Variants in NTN1 observed in about 807,000 individuals in gnomAD.
The protein encoded by NTN1 is netrin 1.
NTN1 carries 11 observed loss-of-function variants against 54.2 expected under a neutral mutation model. The ratio of observed to expected loss-of-function variants is 0.20; its 90% CI spans 0.13 to 0.34. NTN1 has a LOEUF of 0.34. NTN1 is among the 10% of genes least tolerant of loss of function. The probability of loss-of-function intolerance (pLI) is 1.00; values close to 1 mark genes in which losing one functional copy is unlikely to be tolerated. For synonymous variants in NTN1, 371 were observed against 382.0 expected (o/e 0.97, Z 0.33); for missense variants, 740 against 893.1 (o/e 0.83, Z 2.18).
At chr17:9,017,775 C>T (rs112896387), upstream of NTN1, among the ~76,000 whole-genome samples, 1,060 of 152,304 alleles carry the variant, frequency 7.0e-3, 11 homozygotes, top group African/African-American at 0.023. Context: ...TATTTATCAC[C>T]GCCACTTTAA....
chr17:9,077,653 G>T (rs1437050322), intron 2 of NTN1, among the ~76,000 whole-genome samples: 3 of 152,210 alleles, frequency 2.0e-5, no homozygotes, highest in Non-Finnish European at 2.9e-5. Context: ...AGTGGGAAAA[G>T]TTGATAAAGA....
chr17:9,083,134 T>G (rs2142225949), intron 2 of NTN1, among the ~76,000 whole-genome samples: 1 of 152,256 alleles, frequency 6.6e-6, no homozygotes, highest in South Asian at 2.1e-4. Flanking sequence ...AGTCTTGCTC[T>G]GTTGCCCAGG....
intron 2 of NTN1, among the ~76,000 whole-genome samples, chr17:9,129,640 G>A (rs983854917): frequency 6.6e-6 from 1 of 152,180 alleles, no homozygotes; most frequent in Non-Finnish European, 1.5e-5. Context: ...CTGAATCTCC[G>A]TTTGCTTCTC....
At position 9,045,406 on chromosome 17, in the gene NTN1, AC is replaced by A. The variant is rs541257533; in HGVS notation, c.1018+22020del. ...TTTGGCTGTGGGATATGCCAACACCACCCCCGGGAGCTCTCAGCTCTGTGGA... is the reference window on the plus strand; with the variant it reads ...TTTGGCTGTGGGATATGCCAACACCACCCCGGGAGCTCTCAGCTCTGTGGA... On this transcript the variant is annotated intron_variant, in intron 2 of 6. Transcript: ENST00000173229. Among the ~76,000 whole-genome samples the A allele has an allele frequency of 2.2e-4, 34 of 152,092 alleles. No individual in the cohort carries two copies. The South Asian group carries it at 3.5e-3, about 16-fold the overall frequency.
At chr17:9,038,983 A>G (rs1271534751) in intron 2 of NTN1, among the ~76,000 whole-genome samples, 2 of 152,200 alleles carry the variant, frequency 1.3e-5, no homozygotes, top group African/African-American at 2.4e-5. Flanking sequence ...ATATTTAGCC[A>G]GTTATTCAGT....
chr17:9,203,078 A>C (rs984673014), intron 5 of NTN1, among the ~76,000 whole-genome samples: 6 of 152,014 alleles, frequency 3.9e-5, no homozygotes, highest in Admixed American at 6.5e-5. Flanking sequence ...CTGGCCACCA[A>C]GCCTGGCTAA....
intron 3 of NTN1, chr17:9,174,325 G>C (rs998464239): frequency 6.6e-6 from 1 of 152,318 alleles, no homozygotes; most frequent in South Asian, 2.1e-4. Context: ...GGAGTGGTGG[G>C]GCAGTCTTCC....
intron 2 of NTN1, among the ~76,000 whole-genome samples, 188 bp from the exon 3 acceptor site, chr17:9,162,625 G>T (rs930073201): frequency 1.3e-5 from 2 of 152,304 alleles, no homozygotes; most frequent in South Asian, 2.1e-4. Flanking sequence ...GTATTGTTAC[G>T]TGCCCAATAA....
chr17:9,026,374 C>T (rs1042544810), intron 2 of NTN1, among the ~76,000 whole-genome samples: 1 of 136,090 alleles, frequency 7.3e-6, no homozygotes, highest in Non-Finnish European at 1.5e-5. Flanking sequence ...ACTTTAAATG[C>T]AGTTTTGGAT....
chr17:9,137,528 C>T (rs942704026), intron 2 of NTN1, among the ~76,000 whole-genome samples: 1 of 152,190 alleles, frequency 6.6e-6, no homozygotes, highest in African/African-American at 2.4e-5. Context: ...CACAATGGCT[C>T]ACGCCTGTAA....
At chr17:9,137,643 A>C (rs1427346511) in intron 2 of NTN1, among the ~76,000 whole-genome samples, 1 of 152,034 alleles carries the variant, frequency 6.6e-6, no homozygotes, top group African/African-American at 2.4e-5. Context: ...AAATACAAAA[A>C]ATTAGCTGAG....
At chr17:9,066,535 G>A (rs1038256483) in intron 2 of NTN1, among the ~76,000 whole-genome samples, 7 of 152,168 alleles carry the variant, frequency 4.6e-5, no homozygotes, top group Non-Finnish European at 8.8e-5. Context: ...GGCTGAGGCA[G>A]GAGAATCGCT....
chr17:9,136,815 C>T (rs1045243390), intron 2 of NTN1, among the ~76,000 whole-genome samples: 5 of 152,204 alleles, frequency 3.3e-5, no homozygotes, highest in African/African-American at 1.2e-4. Flanking sequence ...CTCACCTCTC[C>T]TCCTGCCACA....
chr17:9,187,549 C>T lies in NTN1; in HGVS notation c.1411+4580C>T, dbSNP rs183329005. Among the ~76,000 whole-genome samples the T allele has an allele frequency of 6.6e-4, 100 of 151,402 alleles. 1 individual carries two copies. The highest frequency in any genetic ancestry group is 3.7e-3 in the East Asian group (19 of 5,132). ...ATGAATGGCCAGGTGCGGTGGCTCACGCCCATAATCCAACCACCTCGGGAG... is the reference window on the plus strand; with the variant it reads ...ATGAATGGCCAGGTGCGGTGGCTCATGCCCATAATCCAACCACCTCGGGAG... On this transcript the variant is annotated intron_variant, in intron 5 of 6. Coordinates refer to ENST00000173229, the MANE Select transcript of NTN1 (RefSeq NM_004822.3).
rs1377214730 is a variant in NTN1 at position 9,240,123 on chromosome 17, TCGG to T, written c.*160_*162del. 2 of 264,486 alleles carry T rather than the reference TCGG, an allele frequency of 7.6e-6. No individual in the cohort carries two copies. Among genetic ancestry groups the T allele is most frequent in the African/African-American group, 4.6e-5 (2 of 43,370 alleles). The allele number at this position is 264,486 out of a possible 1,614,324, so 16.4% of individuals were successfully genotyped here. On this transcript the variant is annotated 3_prime_UTR_variant, in exon 7 of 7. Transcript: ENST00000173229. Reference sequence around the variant, plus strand: ...CCGCACGGCGCGGGGGGCGGGACCCTCGGCGGCCCCTCCCCCTACCCCCACCCT... The same window carrying T: ...CCGCACGGCGCGGGGGGCGGGACCCTCGGCCCCTCCCCCTACCCCCACCCT...
intron 2 of NTN1, among the ~76,000 whole-genome samples, chr17:9,060,628 C>T (rs1049509150): frequency 6.6e-6 from 1 of 152,032 alleles, no homozygotes; most frequent in Admixed American, 6.6e-5. Flanking sequence ...GCAAACAGCA[C>T]GGGGACTCAT....
At chr17:9,114,872 CAG>C (rs2092205463) in intron 2 of NTN1, among the ~76,000 whole-genome samples, 2 of 152,354 alleles carry the variant, frequency 1.3e-5, no homozygotes, top group South Asian at 2.1e-4. Context: ...TACTGACCTG[CAG>C]AGTTTATGAA....
chr17:9,003,944 G>A, the NTN1 span, among the ~76,000 whole-genome samples: 1 of 152,154 alleles, frequency 6.6e-6, no homozygotes, highest in Non-Finnish European at 1.5e-5. The surrounding 1 kb of genome is among the most constrained non-coding windows in gnomAD (Gnocchi z 7.4). Flanking sequence ...CCGCGGACCC[G>A]CCGGCCTCGG....
chr17:9,224,266 T>C (rs1166091195), intron 6 of NTN1, among the ~76,000 whole-genome samples: 3 of 152,262 alleles, frequency 2.0e-5, no homozygotes, highest in Admixed American at 6.5e-5. Context: ...GCAGCCCCTC[T>C]CTGTCTGCCG....
Sources: gnomAD v4.1 joint callset for allele counts (sites outside exome capture counted in the v4.1 genomes callset) on GRCh38, gnomAD v4.1.1 for gene constraint, Gnocchi (gnomAD v3.1) non-coding constraint, MANE v1.5 for transcripts, NCBI Gene and HGNC (gene_info 2026-07-23, HGNC 2026-07-21) for gene names.